Variants in CDYL observed in about 807,000 individuals in gnomAD.
CDYL encodes chromodomain Y-like protein.
In CDYL, 8 loss-of-function variants were observed where a neutral mutation model predicts 47.3. That is an observed-to-expected ratio of 0.17 (90% CI 0.10 to 0.31). The LOEUF is 0.31. Among genes scored for constraint, CDYL ranks in the 10% least tolerant of loss-of-function variants. The probability of loss-of-function intolerance (pLI) is 1.00; values close to 1 mark genes in which losing one functional copy is unlikely to be tolerated. For missense variants in CDYL, 471 were observed against 701.4 expected (o/e 0.67, Z 3.71); for synonymous variants, 266 against 265.0 (o/e 1.00, Z -0.04).
At position 4,707,940 on chromosome 6, in the gene CDYL, C is replaced by T. The variant is rs377328778; in HGVS notation, c.-39+1689C>T. ...AGTCCAAATGTTATTTAATAGTGTG[C>T]TATTTAGTTTCTGAATAAGCAGGAC... is the stretch of plus-strand genomic sequence containing the variant. On this transcript the variant is annotated intron_variant, in intron 1 of 8. Coordinates refer to the CDYL transcript ENST00000328908. Among the ~76,000 whole-genome samples the T allele has an allele frequency of 7.3e-5, 11 of 149,830 alleles. No homozygotes were observed. In the South Asian group the frequency reaches 2.1e-3, roughly 28 times the overall value.
At chr6:4,932,831 T>G (rs960984675) in intron 2 of CDYL, among the ~76,000 whole-genome samples, 6 of 152,196 alleles carry the variant, frequency 3.9e-5, no homozygotes, top group Non-Finnish European at 5.9e-5. Context: ...AGTGGCAATG[T>G]CATCTCACCT....
intron 3 of CDYL, among the ~76,000 whole-genome samples, chr6:4,744,951 C>G (rs1757862871): frequency 6.6e-6 from 1 of 152,088 alleles, no homozygotes; most frequent in African/African-American, 2.4e-5. Flanking sequence ...AAAGATATCT[C>G]AGACATACAT....
intron 1 of CDYL, among the ~76,000 whole-genome samples, chr6:4,828,822 T>G (rs1760054631): frequency 6.6e-6 from 1 of 152,184 alleles, no homozygotes; most frequent in African/African-American, 2.4e-5. Flanking sequence ...TTTCTACTTT[T>G]CAGATTCAGT....
Position 4,776,741 on chromosome 6 carries a change from C to A in CDYL, c.-43C>A, listed in dbSNP as rs777308001. On this transcript the variant is annotated 5_prime_UTR_variant, in exon 1 of 7. Coordinates refer to ENST00000397588, the MANE Select transcript of CDYL (RefSeq NM_004824.4). The stretch of plus-strand genomic sequence containing the variant: ...GTGTCGGCCGCCCGGCGCCGGCGCC[C>A]GCCCCGACCCTGCCCCTCCCGCCCG... 162 of 1,256,378 alleles carry A rather than the reference C, an allele frequency of 1.3e-4. No individual in the cohort carries two copies. The African/African-American group carries it at 2.2e-3, about 17-fold the overall frequency. 77.8% of individuals were successfully genotyped at this position (1,256,378 alleles called of 1,614,324 possible). A position where few individuals can be genotyped will look rare whatever the true frequency, so the allele number is the denominator to read the frequency against.
At chr6:4,734,654 G>A in intron 2 of CDYL, 6 of 1,462,532 alleles carry the variant, frequency 4.1e-6, no homozygotes, top group Non-Finnish European at 5.6e-6. Flanking sequence ...ATTCAGGAAG[G>A]GGAGGGCACA....
chr6:4,802,813 T>C (rs1561644743), intron 1 of CDYL, among the ~76,000 whole-genome samples: 2 of 129,858 alleles, frequency 1.5e-5, no homozygotes, highest in Admixed American at 8.8e-5. Flanking sequence ...GAAATTAGGT[T>C]GTGTGCACTT....
intron 2 of CDYL, among the ~76,000 whole-genome samples, chr6:4,904,819 T>A (rs1757178148): frequency 2.0e-5 from 3 of 152,176 alleles, no homozygotes; most frequent in Admixed American, 2.0e-4. Context: ...AGCTACAGGT[T>A]GTACTTAGGA....
intron 3 of CDYL, among the ~76,000 whole-genome samples, chr6:4,765,756 G>C (rs1758243182): frequency 6.6e-6 from 1 of 152,120 alleles, no homozygotes; most frequent in African/African-American, 2.4e-5. Context: ...CACAGATGGG[G>C]TTTTGCCATG....
Position 4,776,717 on chromosome 6 carries a change from T to C in CDYL, c.-67T>C. 1.6e-6 allele frequency: 2 copies of C among 1,264,814 alleles called. No homozygotes were observed. The highest frequency in any genetic ancestry group is 2.0e-6 in the Non-Finnish European group (2 of 982,044). The allele number at this position is 1,264,814 out of a possible 1,614,324, so 78.3% of individuals were successfully genotyped here. A position where few individuals can be genotyped will look rare whatever the true frequency, so the allele number is the denominator to read the frequency against. On this transcript the variant is annotated 5_prime_UTR_variant, in exon 1 of 7. Coordinates refer to ENST00000397588, the MANE Select transcript of CDYL (RefSeq NM_004824.4). ...CACGCAGGACCCAACTGAAACAAAG[T>C]GTCGGCCGCCCGGCGCCGGCGCCCG...
At chr6:4,737,373 C>T (rs1377038573) in intron 3 of CDYL, among the ~76,000 whole-genome samples, 2 of 132,260 alleles carry the variant, frequency 1.5e-5, no homozygotes, top group African/African-American at 5.6e-5. Flanking sequence ...TTAAAAGGGG[C>T]CAGGCGCAGT....
At chr6:4,947,463 G>C (rs1758557997) in intron 5 of CDYL, among the ~76,000 whole-genome samples, 1 of 152,168 alleles carries the variant, frequency 6.6e-6, no homozygotes, top group African/African-American at 2.4e-5. Flanking sequence ...CTAAGGCCAA[G>C]TCTCAGCCCT....
At chr6:4,774,209 T>C (rs1260435187), upstream of CDYL, among the ~76,000 whole-genome samples, 1 of 152,256 alleles carries the variant, frequency 6.6e-6, no homozygotes, top group Non-Finnish European at 1.5e-5. Context: ...TTATATGTTA[T>C]ATGTATCTAT....
intron 1 of CDYL, among the ~76,000 whole-genome samples, chr6:4,798,962 A>G (rs972669522): frequency 1.8e-4 from 28 of 152,042 alleles, no homozygotes; most frequent in Non-Finnish European, 4.4e-5. Flanking sequence ...TCTGCTCTTT[A>G]TTATTATTAC....
At chr6:4,838,398 G>A (rs931726177) in intron 1 of CDYL, among the ~76,000 whole-genome samples, 1 of 151,878 alleles carries the variant, frequency 6.6e-6, no homozygotes, top group African/African-American at 2.4e-5. Context: ...TGAGAACTTA[G>A]GATGTTTGGT....
intron 1 of CDYL, among the ~76,000 whole-genome samples, chr6:4,820,806 G>A (rs1045207859): frequency 1.3e-5 from 2 of 152,178 alleles, no homozygotes; most frequent in African/African-American, 4.8e-5. Flanking sequence ...AAACGCCTGT[G>A]AAAATAGAAA....
chr6:4,940,955 CCTT>C (rs1480014190), intron 4 of CDYL, among the ~76,000 whole-genome samples: 2 of 152,362 alleles, frequency 1.3e-5, no homozygotes, highest in East Asian at 1.9e-4. Flanking sequence ...CCTGCTGCCT[CCTT>C]CTCCCCAAAC....
chr6:4,854,025 G>A (rs147306953), intron 1 of CDYL, among the ~76,000 whole-genome samples: 1 of 152,332 alleles, frequency 6.6e-6, no homozygotes, highest in Non-Finnish European at 1.5e-5. Flanking sequence ...TCCTGCTCGT[G>A]GTGAGTCCCC....
At chr6:4,758,004 A>C (rs1258121203) in intron 3 of CDYL, among the ~76,000 whole-genome samples, 1 of 152,070 alleles carries the variant, frequency 6.6e-6, no homozygotes. Context: ...TGTTAATTTC[A>C]TTTTTTTCTA....
chr6:4,839,864 A>G (rs1381709643), intron 1 of CDYL, among the ~76,000 whole-genome samples: 1 of 151,610 alleles, frequency 6.6e-6, no homozygotes, highest in East Asian at 1.9e-4. Context: ...ATTCCTCCAG[A>G]TTTGTTCTTT....
Sources: gnomAD v4.1 joint callset for allele counts (sites outside exome capture counted in the v4.1 genomes callset) on GRCh38, gnomAD v4.1.1 for gene constraint, MANE v1.5 for transcripts, NCBI Gene and HGNC (gene_info 2026-07-23, HGNC 2026-07-21) for gene names.